The following PLD5 variants were observed in gnomAD, a reference collection of about 807,000 sequenced individuals.
The protein encoded by PLD5 is phospholipase D family member 5.
In PLD5, 36 loss-of-function variants were observed where a neutral mutation model predicts 61.1. The ratio of observed to expected loss-of-function variants is 0.59; its 90% CI spans 0.45 to 0.78. The LOEUF is 0.78. Ranked by LOEUF, PLD5 falls within the 30% of genes least tolerant of loss-of-function variation. The pLI, the probability that PLD5 is intolerant of heterozygous loss-of-function variation, is 0.00. For synonymous variants in PLD5, 243 were observed against 242.8 expected (o/e 1.00, Z -0.01); for missense variants, 515 against 644.4 (o/e 0.80, Z 2.17).
chr1:242,411,712 A>C (rs557769025), intron 1 of PLD5, among the ~76,000 whole-genome samples: 2 of 152,328 alleles, frequency 1.3e-5, no homozygotes, highest in South Asian at 2.1e-4. Context: ...GTAAGAAATA[A>C]GAGACGTTTC....
At chr1:242,521,128 C>A (rs918109288) in intron 1 of PLD5, among the ~76,000 whole-genome samples, 1 of 152,312 alleles carries the variant, frequency 6.6e-6, no homozygotes, top group South Asian at 2.1e-4. Flanking sequence ...TGTTACAAAA[C>A]ACGACTTCCT....
chr1:242,425,340 T>C (rs747959682), intron 1 of PLD5, among the ~76,000 whole-genome samples: 2 of 152,118 alleles, frequency 1.3e-5, no homozygotes, highest in Non-Finnish European at 2.9e-5. Flanking sequence ...CTGAATACCG[T>C]AGGGAATTAT....
intron 5 of PLD5, among the ~76,000 whole-genome samples, chr1:242,136,749 G>A (rs891160840): frequency 5.3e-5 from 8 of 152,138 alleles, no homozygotes; most frequent in Admixed American, 3.9e-4. Flanking sequence ...TCAAAAACAG[G>A]GTAAGATGTG....
At chr1:242,363,942 C>CA (rs1434266547) in intron 1 of PLD5, among the ~76,000 whole-genome samples, 3 of 151,874 alleles carry the variant, frequency 2.0e-5, no homozygotes, top group East Asian at 1.9e-4. Flanking sequence ...AGTGACAACA[C>CA]AAAAAATCTA....
chr1:242,421,054 C>T (rs1665112046), intron 1 of PLD5, among the ~76,000 whole-genome samples: 1 of 151,546 alleles, frequency 6.6e-6, no homozygotes, highest in Non-Finnish European at 1.5e-5. Context: ...GTGGCACGCG[C>T]CTGTAGTCCC....
intron 5 of PLD5, among the ~76,000 whole-genome samples, chr1:242,219,773 T>C (rs1168138041): frequency 6.6e-6 from 1 of 152,178 alleles, no homozygotes; most frequent in Non-Finnish European, 1.5e-5. Context: ...TACAAAAGCA[T>C]TGAAGCAATA....
chr1:242,447,737 C>T (rs1666603849), intron 1 of PLD5, among the ~76,000 whole-genome samples: 1 of 152,240 alleles, frequency 6.6e-6, no homozygotes, highest in East Asian at 1.9e-4. Context: ...AGTTCACTCT[C>T]TTCGGAGGTC....
intron 3 of PLD5, among the ~76,000 whole-genome samples, chr1:242,279,517 A>T (rs979001563): frequency 6.6e-6 from 1 of 151,896 alleles, no homozygotes; most frequent in African/African-American, 2.4e-5. Context: ...TACCTGAAAA[A>T]TATGTGTATT....
At chr1:242,403,468 CTTTT>C (rs199559256) in intron 1 of PLD5, among the ~76,000 whole-genome samples, 4 of 139,018 alleles carry the variant, frequency 2.9e-5, no homozygotes, top group South Asian at 2.3e-4. Flanking sequence ...CTTGGATAGG[CTTTT>C]TTTTTTTTTT....
intron 1 of PLD5, among the ~76,000 whole-genome samples, chr1:242,502,499 A>G (rs952404799): frequency 4.6e-5 from 7 of 152,216 alleles, no homozygotes; most frequent in Admixed American, 3.9e-4. Context: ...GCTAATTTTC[A>G]CATAATTACA....
chr1:242,098,093 T>C (rs1352099717), intron 9 of PLD5, among the ~76,000 whole-genome samples: 4 of 152,308 alleles, frequency 2.6e-5, no homozygotes, highest in Non-Finnish European at 4.4e-5. Flanking sequence ...TTTCCTGAAT[T>C]TGAATGTTGG....
At chr1:242,416,997 AG>A (rs1211645649) in intron 1 of PLD5, among the ~76,000 whole-genome samples, 2 of 151,982 alleles carry the variant, frequency 1.3e-5, no homozygotes, top group Admixed American at 1.3e-4. Flanking sequence ...AAAGATGGAA[AG>A]GGTAGTTAAA....
At chr1:242,166,622 C>T (rs1006566176) in intron 5 of PLD5, among the ~76,000 whole-genome samples, 2 of 152,184 alleles carry the variant, frequency 1.3e-5, no homozygotes, top group African/African-American at 4.8e-5. Context: ...TTTTATTCAG[C>T]AAGTGATTTT....
At chr1:242,468,319 G>C (rs1444490061) in intron 1 of PLD5, among the ~76,000 whole-genome samples, 1 of 152,108 alleles carries the variant, frequency 6.6e-6, no homozygotes, top group Non-Finnish European at 1.5e-5. Flanking sequence ...CAGACAAACT[G>C]TATGTAATAG....
intron 1 of PLD5, among the ~76,000 whole-genome samples, chr1:242,356,524 G>C (rs574815944): frequency 6.6e-6 from 1 of 152,120 alleles, no homozygotes; most frequent in African/African-American, 2.4e-5. Context: ...ATCACTCTAT[G>C]TCTTTTGATT....
chr1:242,181,600 G>T (rs774829781), intron 5 of PLD5, among the ~76,000 whole-genome samples: 19 of 152,002 alleles, frequency 1.2e-4, no homozygotes, highest in Non-Finnish European at 2.1e-4. Context: ...TCTCGAAGCA[G>T]CTCCAATGAA....
rs112618791 is a variant in PLD5, at chr1:242,482,823, C to T, written c.189+41265G>A. Among the ~76,000 whole-genome samples, 52 of 152,248 alleles carry T rather than the reference C, an allele frequency of 3.4e-4. 1 individual carries two copies. The highest frequency in any genetic ancestry group is 1.2e-3 in the African/African-American group (49 of 41,546). ...CAGCCAGAGAGAAAGGTCGTGTTAC[C>T]CACAAAGGGAAGCCCATCACACTAA... On this transcript the variant is annotated intron_variant, in intron 1 of 9. Transcript: ENST00000536534.
chr1:242,361,160 C>G (rs1045806421), intron 1 of PLD5, among the ~76,000 whole-genome samples: 1 of 152,038 alleles, frequency 6.6e-6, no homozygotes. Context: ...TTTATTTTAA[C>G]TTCTATTAGT....
intron 1 of PLD5, among the ~76,000 whole-genome samples, chr1:242,514,543 T>TTTAC (rs1669039050): frequency 6.6e-6 from 1 of 152,050 alleles, no homozygotes; most frequent in Non-Finnish European, 1.5e-5. Context: ...GTGACATGTG[T>TTTAC]TTACCCATGT....
Sources: gnomAD v4.1 joint callset for allele counts (sites outside exome capture counted in the v4.1 genomes callset) on GRCh38, gnomAD v4.1.1 for gene constraint, MANE v1.5 for transcripts, NCBI Gene and HGNC (gene_info 2026-07-23, HGNC 2026-07-21) for gene names.